Variants in NASP observed in about 807,000 individuals in gnomAD.
NASP encodes nuclear autoantigenic sperm protein, also known as NASP histone chaperone.
NASP carries 24 observed loss-of-function variants against 89.5 expected under a neutral mutation model. The observed-to-expected ratio is 0.27, with a 90% CI of 0.19 to 0.38. The LOEUF (loss-of-function observed/expected upper bound fraction) is 0.38. Ranked by LOEUF, NASP falls within the 10% of genes least tolerant of loss-of-function variation. The probability of loss-of-function intolerance (pLI) is 1.00; values close to 1 mark genes in which losing one functional copy is unlikely to be tolerated. For missense variants in NASP, 848 were observed against 921.4 expected (o/e 0.92, Z 1.03); for synonymous variants, 306 against 324.7 (o/e 0.94, Z 0.62).
At position 45,617,555 on chromosome 1, in the gene NASP, C is replaced by A; in HGVS notation, c.2250C>A (p.Pro750=). The A allele has an allele frequency of 2.5e-6, 4 of 1,600,842 alleles. No homozygotes were observed. The highest frequency in any genetic ancestry group is 3.4e-6 in the Non-Finnish European group (4 of 1,176,020). The stretch of plus-strand genomic sequence containing the variant: ...ACGGAGGCAGTGGGGATGCTGTCCC[C>A]AGTGGAAATGAAGTTTCGGAAAACA... The part of the protein sequence containing the change: ...EVNGGSGDAV[P]SGNEVSENME... Residue 750 remains proline (P), a synonymous_variant, in exon 14 of 15, where the codon CCC becomes CCA. Transcript: ENST00000350030.
chr1:45,584,921 C>T (rs1644508493), intron 1 of NASP, among the ~76,000 whole-genome samples: 1 of 152,192 alleles, frequency 6.6e-6, no homozygotes, highest in Admixed American at 6.5e-5. Flanking sequence ...TGAGCCCCTG[C>T]CTGTGGTGGG....
rs768111551 is a variant in NASP at position 45,607,583 on chromosome 1, A to C, written c.672A>C (p.Glu224Asp). Residue 224 changes from glutamate to aspartate, a missense_variant, in exon 6 of 15, where the codon GAA becomes GAC. Physicochemically the swap from Glu to Asp is conservative, Grantham distance 45. Around this residue, in one of 5 missense-constraint regions of NASP, gnomAD observed 464 missense variants for 469.4 expected, o/e 0.99. Coordinates refer to ENST00000350030, the MANE Select transcript of NASP (RefSeq NM_002482.4). ...GAGCAGCACCAGAAGGACCGAATGA[A>C]GCTGAGGTCACTTCTGGGAAGCCAG... ...KGGAAPEGPN[E>D]AEVTSGKPEQ... 6.2e-7 allele frequency: 1 copy of C among 1,614,002 alleles called. No homozygotes were observed. Among genetic ancestry groups the C allele is most frequent in the South Asian group, 1.1e-5 (1 of 91,070 alleles).
chr1:45,608,427 A>T (rs1468059611), intron 6 of NASP, 90 bp downstream of exon 6: 1 of 1,369,256 alleles, frequency 7.3e-7, no homozygotes, highest in Non-Finnish European at 1.0e-6. Flanking sequence ...TCCATTCAGG[A>T]TTTTCCGTCT....
chr1:45,588,560 G>A (rs1022770151), intron 1 of NASP: 26 of 432,332 alleles, frequency 6.0e-5, no homozygotes, highest in Non-Finnish European at 9.2e-5. Context: ...TGTTAGCAAT[G>A]TATGGGAGTA....
chr1:45,587,696 T>G (rs1407675651), intron 1 of NASP, among the ~76,000 whole-genome samples: 6 of 14,906 alleles, frequency 4.0e-4, no homozygotes, highest in Non-Finnish European at 9.5e-4. Context: ...ATAATTAATT[T>G]TTTGGAGAGA....
Position 45,618,308 on chromosome 1 carries a change from G to C in NASP, c.*167G>C. The C allele has an allele frequency of 1.8e-6, 1 of 570,694 alleles. No homozygotes were observed. The highest frequency in any genetic ancestry group is 3.2e-6 in the Non-Finnish European group (1 of 316,770). The allele number at this position is 570,694 out of a possible 1,614,324, so 35.4% of individuals were successfully genotyped here. A position where few individuals can be genotyped will look rare whatever the true frequency, so the allele number is the denominator to read the frequency against. On this transcript the variant is annotated 3_prime_UTR_variant, in exon 15 of 15. Transcript: ENST00000350030. ...GCTGAATCTGCCTTGGAGCACTGCT[G>C]GTTTTATATATTAGCCAAAGGTTTT...
intron 2 of NASP, among the ~76,000 whole-genome samples, chr1:45,599,585 G>A (rs532312317): frequency 6.6e-6 from 1 of 151,906 alleles, no homozygotes; most frequent in African/African-American, 2.4e-5. Flanking sequence ...ACACCACCAC[G>A]CCCGGCTAAC....
intron 2 of NASP, chr1:45,594,626 A>T: frequency 2.4e-6 from 1 of 420,460 alleles, no homozygotes; most frequent in Non-Finnish European, 4.9e-6. Flanking sequence ...CCTGCCTTAG[A>T]CTCCTGGGTA....
In NASP at chr1:45,607,446, G is replaced by C; in HGVS notation, c.535G>C (p.Glu179Gln). Reference protein sequence around the residue: ...ETDKEQDSEMEKGGREDMDIS... With the variant: ...ETDKEQDSEMQKGGREDMDIS... Reference sequence around the variant, plus strand: ...TGATAAAGAACAGGACAGTGAAATGGAGAAGGGTGGAAGAGAAGATATGGA... The same window carrying C: ...TGATAAAGAACAGGACAGTGAAATGCAGAAGGGTGGAAGAGAAGATATGGA... The change falls in exon 6 of 15, where the codon GAG becomes CAG. Residue 179 changes from glutamate to glutamine, a missense_variant. Physicochemically the swap from Glu to Gln is conservative, Grantham distance 29 (BLOSUM62 2). Coordinates refer to ENST00000350030, the MANE Select transcript of NASP (RefSeq NM_002482.4). 1 of 1,613,788 alleles carries C rather than the reference G, an allele frequency of 6.2e-7. No homozygotes were observed. Among genetic ancestry groups the C allele is most frequent in the Non-Finnish European group, 8.5e-7 (1 of 1,179,928 alleles).
At chr1:45,585,247 G>A (rs149804801) in intron 1 of NASP, among the ~76,000 whole-genome samples, 1 of 152,226 alleles carries the variant, frequency 6.6e-6, no homozygotes, top group Non-Finnish European at 1.5e-5. Context: ...ATTTTTTTAG[G>A]CATCTGGTTC....
chr1:45,584,403 C>T (rs563108366), intron 1 of NASP, among the ~76,000 whole-genome samples, 198 bp downstream of exon 1: 1 of 152,328 alleles, frequency 6.6e-6, no homozygotes, highest in East Asian at 1.9e-4. Context: ...TAACGGCGGT[C>T]GGCTGGCGCC....
rs377762556 is a variant in NASP, at chr1:45,616,379, T to C, written c.2065T>C (p.Ser689Pro). 10 of 1,614,028 alleles carry C rather than the reference T, an allele frequency of 6.2e-6. No individual in the cohort carries two copies. The highest frequency in any genetic ancestry group is 1.3e-5 in the African/African-American group (1 of 74,926). ...TSGFTPGGGG[S>P]SVSMIASRKP... ...AGGTTTCACTCCTGGTGGAGGAGGCTCTTCAGTCTCCATGGTGCGTATTCA... is the reference window on the plus strand; with the variant it reads ...AGGTTTCACTCCTGGTGGAGGAGGCCCTTCAGTCTCCATGGTGCGTATTCA... The change falls in exon 12 of 15, where the codon TCT (serine) becomes CCT (proline). Residue 689 changes from serine (S) to proline (P), a missense_variant. Around this residue, in one of 5 missense-constraint regions of NASP, gnomAD observed 218 missense variants for 219.6 expected, o/e 0.99. Transcript: ENST00000350030.
chr1:45,617,421 A>G, intron 13 of NASP, 42 bp from the exon 14 acceptor site: 1 of 1,588,562 alleles, frequency 6.3e-7, no homozygotes, highest in Middle Eastern at 2.3e-4. Flanking sequence ...CTTTTTAAAA[A>G]CATTAAGCAC....
At position 45,587,668 on chromosome 1, in the gene NASP, A is replaced by ATG. The variant is rs1557647764; in HGVS notation, c.59+3464_59+3465insGT. 2.0e-4 allele frequency among the ~76,000 whole-genome samples: 12 copies of ATG among 59,268 alleles called. No individual in the cohort carries two copies. The East Asian group carries it at 5.3e-3, about 26-fold the overall frequency. The allele number at this position is 59,268 out of a possible 152,430, so 38.9% of individuals were successfully genotyped here. ...GTTTGTCTTGAGTTTTTTCATATAT[A>ATG]TATATATATATATATATATAATTAA... On this transcript the variant is annotated intron_variant, in intron 1 of 14. Transcript: ENST00000350030.
At chr1:45,608,559 C>G (rs1643949943) in intron 6 of NASP, among the ~76,000 whole-genome samples, 2 of 152,138 alleles carry the variant, frequency 1.3e-5, no homozygotes, top group African/African-American at 2.4e-5. Context: ...AACACTTTTA[C>G]TAACTGCAAA....
chr1:45,586,120 T>C (rs1363743011), intron 1 of NASP, among the ~76,000 whole-genome samples: 2 of 146,862 alleles, frequency 1.4e-5, no homozygotes, highest in African/African-American at 5.1e-5. Flanking sequence ...CAGCATAAAT[T>C]GAAAGCTAAA....
chr1:45,597,685 C>G (rs1035210552), intron 2 of NASP, among the ~76,000 whole-genome samples: 1 of 152,126 alleles, frequency 6.6e-6, no homozygotes, highest in Non-Finnish European at 1.5e-5. Context: ...CTTGGATACA[C>G]AGAGGCTTTT....
chr1:45,588,068 C>T (rs543990536), intron 1 of NASP, among the ~76,000 whole-genome samples: 20 of 151,976 alleles, frequency 1.3e-4, no homozygotes, highest in Admixed American at 4.6e-4. Flanking sequence ...GGCAAAACCC[C>T]GTCTCTACTA....
rs144584978 is a variant in NASP, at chr1:45,612,969, A to G, written c.1427-200A>G. The stretch of plus-strand genomic sequence containing the variant: ...TTGCTGAAGGTCTGACCCATAGACT[A>G]AGATTGCACATTCTTAGTCTAGGTT... On this transcript the variant is annotated intron_variant, in intron 6 of 14. Coordinates refer to ENST00000350030, the MANE Select transcript of NASP (RefSeq NM_002482.4). The G allele has an allele frequency of 8.2e-6, 5 of 610,294 alleles. No individual in the cohort carries two copies. The East Asian group carries it at 1.1e-4, about 14-fold the overall frequency. 37.8% of individuals were successfully genotyped at this position (610,294 alleles called of 1,614,324 possible). A position where few individuals can be genotyped will look rare whatever the true frequency, so the allele number is the denominator to read the frequency against.
Sources: gnomAD v4.1 joint callset for allele counts (sites outside exome capture counted in the v4.1 genomes callset) on GRCh38, gnomAD v4.1.1 for gene constraint, gnomAD v4.1.1 regional missense constraint, MANE v1.5 for transcripts, NCBI Gene and HGNC (gene_info 2026-07-23, HGNC 2026-07-21) for gene names.